The following FAM13A variants were observed in gnomAD, a reference collection of about 807,000 sequenced individuals.
FAM13A encodes the protein protein FAM13A.
A neutral mutation model predicts 129.6 loss-of-function variants in FAM13A; 76 were observed. That is an observed-to-expected ratio of 0.59 (90% CI 0.49 to 0.71). The LOEUF (loss-of-function observed/expected upper bound fraction) is 0.71, where lower values mean the gene tolerates loss of function less well. Among genes scored for constraint, FAM13A ranks in the 30% least tolerant of loss-of-function variants. FAM13A has a pLI of 0.00. For synonymous variants in FAM13A, 443 were observed against 449.9 expected (o/e 0.98, Z 0.20); for missense variants, 1,108 against 1,249.3 (o/e 0.89, Z 1.70).
chr4:88,983,759 A>G lies in FAM13A; in HGVS notation c.605+7214T>C, dbSNP rs568386941. Among the ~76,000 whole-genome samples, 4 of 152,336 alleles carry G rather than the reference A, an allele frequency of 2.6e-5. No individual in the cohort carries two copies. The East Asian group carries it at 7.7e-4, about 29-fold the overall frequency. ...GTCTCCAGATTCAACAGAACATCCT[A>G]TCAAAATATTGACTAACTTTTTTGT... On this transcript the variant is annotated intron_variant, in intron 4 of 23. Transcript: ENST00000264344.
At chr4:89,014,480 C>G (rs554004321) in intron 3 of FAM13A, among the ~76,000 whole-genome samples, 2 of 152,216 alleles carry the variant, frequency 1.3e-5, no homozygotes, top group African/African-American at 4.8e-5. Context: ...TTTTTGTAAC[C>G]AGAATCATGC....
At chr4:88,852,699 A>G (rs954511593) in intron 6 of FAM13A, among the ~76,000 whole-genome samples, 3 of 152,114 alleles carry the variant, frequency 2.0e-5, no homozygotes, top group African/African-American at 7.2e-5. Flanking sequence ...AAGTCTAGCA[A>G]AGTTTTGGAT....
At chr4:88,783,029 G>A (rs1244076651) in intron 10 of FAM13A, among the ~76,000 whole-genome samples, 1 of 151,400 alleles carries the variant, frequency 6.6e-6, no homozygotes, top group Admixed American at 6.6e-5. Flanking sequence ...TAAATTACAG[G>A]GTACATGAGA....
chr4:88,870,502 G>A lies in FAM13A; in HGVS notation c.844-19319C>T, dbSNP rs181410581. On this transcript the variant is annotated intron_variant, in intron 6 of 23. Transcript: ENST00000264344. ...TTATACCCCGCGCCTGGCTTGGGGG[G>A]GGTCCCGCGCCCACAGAGCCTTGCT... is the stretch of plus-strand genomic sequence containing the variant. Among the ~76,000 whole-genome samples, 113 of 152,350 alleles carry A rather than the reference G, an allele frequency of 7.4e-4. 2 individuals carry two copies. The highest frequency in any genetic ancestry group is 6.8e-3 in the Admixed American group (104 of 15,306).
chr4:88,881,360 G>C (rs540968685), intron 6 of FAM13A, among the ~76,000 whole-genome samples: 14 of 152,330 alleles, frequency 9.2e-5, no homozygotes, highest in African/African-American at 3.4e-4. Flanking sequence ...TGGGTGGCTA[G>C]ATCCAGAAAA....
intron 6 of FAM13A, 71 bp downstream of exon 6, chr4:88,906,308 C>CA: frequency 9.2e-7 from 1 of 1,083,904 alleles, no homozygotes; most frequent in Non-Finnish European, 1.4e-6. Context: ...AACAAACAAA[C>CA]AAAAACAACA....
chr4:88,739,341 C>G (rs1278086312), intron 19 of FAM13A, among the ~76,000 whole-genome samples: 2 of 152,134 alleles, frequency 1.3e-5, no homozygotes, highest in South Asian at 4.1e-4. Context: ...AGTCACTCCA[C>G]TGGTAGTACT....
intron 3 of FAM13A, among the ~76,000 whole-genome samples, chr4:89,017,148 T>C (rs1356351015): frequency 6.6e-6 from 1 of 152,188 alleles, no homozygotes; most frequent in African/African-American, 2.4e-5. Context: ...AATCACCTAA[T>C]AATGTATTTT....
chr4:88,884,689 G>A (rs925880127), intron 6 of FAM13A, among the ~76,000 whole-genome samples: 20 of 152,110 alleles, frequency 1.3e-4, no homozygotes, highest in African/African-American at 4.8e-4. Context: ...GAACCAAACT[G>A]CTGAAGAGGA....
At chr4:88,737,928 G>A (rs1486962632) in intron 20 of FAM13A, among the ~76,000 whole-genome samples, 2 of 152,158 alleles carry the variant, frequency 1.3e-5, no homozygotes, top group Admixed American at 1.3e-4. Context: ...AGCTCAGAAA[G>A]CAATACAAAG....
chr4:88,794,832 C>T (rs1725846671), intron 8 of FAM13A, among the ~76,000 whole-genome samples: 1 of 151,656 alleles, frequency 6.6e-6, no homozygotes, highest in South Asian at 2.1e-4. Context: ...GCCTAAAATT[C>T]TTAATTTGTC....
At chr4:88,967,921 G>A (rs1028261635) in intron 4 of FAM13A, among the ~76,000 whole-genome samples, 6 of 152,160 alleles carry the variant, frequency 3.9e-5, no homozygotes, top group Non-Finnish European at 5.9e-5. Context: ...CTGCCATGTG[G>A]AGGACACTGG....
At chr4:89,004,215 T>G (rs1367422296) in intron 3 of FAM13A, among the ~76,000 whole-genome samples, 1 of 152,222 alleles carries the variant, frequency 6.6e-6, no homozygotes. Flanking sequence ...CTCAGCTCAT[T>G]GCAATCTCCA....
At chr4:88,784,349 AGCT>A (rs1287559987) in intron 10 of FAM13A, among the ~76,000 whole-genome samples, 1 of 152,214 alleles carries the variant, frequency 6.6e-6, no homozygotes, top group African/African-American at 2.4e-5. Context: ...ATTTAGATAC[AGCT>A]CTGTATAAAA....
intron 14 of FAM13A, among the ~76,000 whole-genome samples, chr4:88,758,420 C>T (rs1200429186): frequency 2.0e-5 from 3 of 151,830 alleles, no homozygotes; most frequent in East Asian, 3.9e-4. Context: ...AAAAGCACAC[C>T]GGTTCCCTAT....
intron 7 of FAM13A, among the ~76,000 whole-genome samples, chr4:88,836,779 G>T (rs928919397): frequency 1.3e-5 from 2 of 151,928 alleles, no homozygotes; most frequent in Admixed American, 1.3e-4. Flanking sequence ...GACCAACATG[G>T]TGAAACCCCG....
At chr4:88,837,481 C>T (rs541805486) in intron 7 of FAM13A, among the ~76,000 whole-genome samples, 81 of 150,370 alleles carry the variant, frequency 5.4e-4, no homozygotes, top group Non-Finnish European at 1.1e-3. Flanking sequence ...TTTGGGAGGC[C>T]GAGGTGGGCA....
intron 6 of FAM13A, among the ~76,000 whole-genome samples, chr4:88,886,104 G>A (rs1266081074): frequency 6.6e-6 from 1 of 152,140 alleles, no homozygotes; most frequent in Non-Finnish European, 1.5e-5. Flanking sequence ...GGAAAACAGT[G>A]TGGAGATTCC....
At chr4:89,005,434 T>C (rs1333324677) in intron 3 of FAM13A, among the ~76,000 whole-genome samples, 1 of 152,226 alleles carries the variant, frequency 6.6e-6, no homozygotes, top group Non-Finnish European at 1.5e-5. Flanking sequence ...ATATACCTAG[T>C]AATGAGATTT....
Sources: gnomAD v4.1 joint callset for allele counts (sites outside exome capture counted in the v4.1 genomes callset) on GRCh38, gnomAD v4.1.1 for gene constraint, MANE v1.5 for transcripts, NCBI Gene and HGNC (gene_info 2026-07-23, HGNC 2026-07-21) for gene names.